Variants in SLC39A11 observed in about 807,000 individuals in gnomAD.
The protein encoded by SLC39A11 is solute carrier family 39 member 11, also known as zinc transporter ZIP11.
Under a neutral mutation model 36.1 loss-of-function variants are expected in SLC39A11, and 33 were observed. The ratio of observed to expected loss-of-function variants is 0.91; its 90% CI spans 0.69 to 1.22. The LOEUF is 1.22. Among genes scored for constraint, SLC39A11 ranks in the 50% most tolerant of loss-of-function variants. SLC39A11 has a pLI of 0.00. For missense variants in SLC39A11, 432 were observed against 430.3 expected (o/e 1.00, Z -0.03); for synonymous variants, 166 against 170.3 (o/e 0.97, Z 0.20).
At chr17:72,888,951 TA>T (rs2081582358) in intron 5 of SLC39A11, among the ~76,000 whole-genome samples, 1 of 152,022 alleles carries the variant, frequency 6.6e-6, no homozygotes, top group African/African-American at 2.4e-5. Flanking sequence ...CAGGAGTAAC[TA>T]GATACAGTTG....
chr17:73,045,877 A>T (rs2059270597), intron 3 of SLC39A11, among the ~76,000 whole-genome samples: 1 of 152,212 alleles, frequency 6.6e-6, no homozygotes, highest in Admixed American at 6.5e-5. Context: ...TGTTGCCCCA[A>T]GCTGCCTCCC....
At chr17:72,771,214 G>A (rs902505891) in intron 6 of SLC39A11, among the ~76,000 whole-genome samples, 5 of 151,954 alleles carry the variant, frequency 3.3e-5, no homozygotes, top group Admixed American at 3.3e-4. Flanking sequence ...GCAAGACCCC[G>A]TGTCTACTAA....
intron 7 of SLC39A11, among the ~76,000 whole-genome samples, chr17:72,732,583 TTTG>T (rs1230570156): frequency 6.6e-6 from 1 of 152,154 alleles, no homozygotes. Flanking sequence ...CTCCTGCAGT[TTTG>T]TTATTTCTAG....
chr17:72,723,842 T>C (rs1277601328), intron 7 of SLC39A11, among the ~76,000 whole-genome samples: 1 of 152,174 alleles, frequency 6.6e-6, no homozygotes, highest in Non-Finnish European at 1.5e-5. Flanking sequence ...GGCTCCATGA[T>C]GGCATATTTT....
chr17:73,008,115 A>AAGAAAAAGAAAC (rs1253347377), intron 4 of SLC39A11, among the ~76,000 whole-genome samples: 7 of 143,980 alleles, frequency 4.9e-5, no homozygotes, highest in Admixed American at 1.4e-4. Flanking sequence ...AAAAAAGAAA[A>AAGAAAAAGAAAC]AGAAAAAGAA....
intron 6 of SLC39A11, among the ~76,000 whole-genome samples, chr17:72,777,893 G>GTATGTATA (rs2076189318): frequency 6.6e-6 from 1 of 151,538 alleles, no homozygotes; most frequent in South Asian, 2.1e-4. Context: ...ATGTATGTAT[G>GTATGTATA]TATGTACGTA....
chr17:73,029,850 G>C (rs1191308944), intron 4 of SLC39A11, among the ~76,000 whole-genome samples: 1 of 152,120 alleles, frequency 6.6e-6, no homozygotes, highest in East Asian at 1.9e-4. Flanking sequence ...CCAAAGTGTT[G>C]GAATTACAGG....
At chr17:73,050,998 T>C (rs1599032714) in intron 3 of SLC39A11, among the ~76,000 whole-genome samples, 1 of 152,326 alleles carries the variant, frequency 6.6e-6, no homozygotes, top group South Asian at 2.1e-4. Flanking sequence ...ATTGGTTTCC[T>C]GGAGCTGCTA....
At chr17:72,675,156 TCA>T (rs1405162711) in intron 7 of SLC39A11, among the ~76,000 whole-genome samples, 1 of 152,120 alleles carries the variant, frequency 6.6e-6, no homozygotes, top group Non-Finnish European at 1.5e-5. Context: ...CCCCCAAATT[TCA>T]TATTGTGAAA....
chr17:72,673,247 G>A (rs557789660), intron 7 of SLC39A11, among the ~76,000 whole-genome samples: 1 of 152,218 alleles, frequency 6.6e-6, no homozygotes, highest in East Asian at 1.9e-4. Context: ...TGGGATTACA[G>A]GTGTGTGCCA....
rs372976697 is a variant in SLC39A11 at position 72,926,934 on chromosome 17, C to T, written c.430+20818G>A. ...GATAAATGCCCCACGTGACCTTGCACGGGAATTACTGAATAAAAGAGACCA... is the reference window on the plus strand; with the variant it reads ...GATAAATGCCCCACGTGACCTTGCATGGGAATTACTGAATAAAAGAGACCA... On this transcript the variant is annotated intron_variant, in intron 5 of 9. Transcript: ENST00000255559. 3.3e-4 allele frequency among the ~76,000 whole-genome samples: 49 copies of T among 149,650 alleles called. 1 individual carries two copies. Among genetic ancestry groups the T allele is most frequent in the African/African-American group, 1.1e-3 (43 of 39,244 alleles).
At chr17:73,090,775 G>A (rs1599258416) in intron 1 of SLC39A11, among the ~76,000 whole-genome samples, 1 of 152,120 alleles carries the variant, frequency 6.6e-6, no homozygotes, top group African/African-American at 2.4e-5. Flanking sequence ...GGTGGTTAGT[G>A]GGATAGGGAA....
At chr17:72,838,648 C>A (rs2078674803) in intron 6 of SLC39A11, among the ~76,000 whole-genome samples, 1 of 152,186 alleles carries the variant, frequency 6.6e-6, no homozygotes, top group Non-Finnish European at 1.5e-5. Context: ...GACCTCCTAA[C>A]TACCAGTGAG....
At chr17:72,847,029 C>A (rs1445176967) in intron 6 of SLC39A11, among the ~76,000 whole-genome samples, 1 of 152,130 alleles carries the variant, frequency 6.6e-6, no homozygotes, top group Non-Finnish European at 1.5e-5. Context: ...CCAAGGCTAA[C>A]CCACTTTGGC....
intron 6 of SLC39A11, among the ~76,000 whole-genome samples, chr17:72,785,776 T>C (rs767880877): frequency 1.3e-5 from 2 of 152,194 alleles, no homozygotes; most frequent in Non-Finnish European, 2.9e-5. Context: ...ATCCTGCCCA[T>C]TGGATTTGCA....
intron 5 of SLC39A11, among the ~76,000 whole-genome samples, chr17:72,879,685 G>A (rs552056824): frequency 1.3e-5 from 2 of 152,304 alleles, no homozygotes; most frequent in African/African-American, 4.8e-5. Flanking sequence ...GTGCCCTGGT[G>A]TACTTCAACC....
intron 6 of SLC39A11, among the ~76,000 whole-genome samples, chr17:72,782,830 CT>C (rs1181349403): frequency 6.6e-6 from 1 of 151,228 alleles, no homozygotes; most frequent in Non-Finnish European, 1.5e-5. Flanking sequence ...GCAAAAACCC[CT>C]TCTCTACTAA....
At chr17:72,853,318 G>A (rs1282603643) in intron 5 of SLC39A11, among the ~76,000 whole-genome samples, 4 of 151,702 alleles carry the variant, frequency 2.6e-5, no homozygotes, top group East Asian at 1.9e-4. Flanking sequence ...ATGAGCCACT[G>A]CACCTTGCCC....
At chr17:72,919,055 T>G (rs1294199526) in intron 5 of SLC39A11, among the ~76,000 whole-genome samples, 1 of 152,058 alleles carries the variant, frequency 6.6e-6, no homozygotes, top group Non-Finnish European at 1.5e-5. Flanking sequence ...CCAGTGAGAC[T>G]CTGTCTCAAA....
Sources: gnomAD v4.1 joint callset for allele counts (sites outside exome capture counted in the v4.1 genomes callset) on GRCh38, gnomAD v4.1.1 for gene constraint, MANE v1.5 for transcripts, NCBI Gene and HGNC (gene_info 2026-07-23, HGNC 2026-07-21) for gene names.